The following C1orf87 variants were observed in gnomAD, a reference collection of about 807,000 sequenced individuals.
C1orf87 encodes chromosome 1 open reading frame 87.
Under a neutral mutation model 60.5 loss-of-function variants are expected in C1orf87, and 58 were observed. That is an observed-to-expected ratio of 0.96 (90% CI 0.78 to 1.19). The LOEUF is 1.19. C1orf87 is among the 50% of genes most tolerant of loss of function. The probability of loss-of-function intolerance (pLI) is 0.00; values close to 1 mark genes in which losing one functional copy is unlikely to be tolerated. For missense variants in C1orf87, 673 were observed against 638.6 expected (o/e 1.05, Z -0.58); for synonymous variants, 236 against 227.4 (o/e 1.04, Z -0.34).
chr1:60,025,440 A>C lies in C1orf87; in HGVS notation c.1088T>G (p.Leu363Trp). ...LYLTLSLLET[L>W]LNHQDLGYQN... ...GTAACCCAAATCTTGATGGTTAAGC[A>C]ATGTTTCCAGCAGGCTCAGGGTCAG... The change falls in exon 8 of 12, where the codon TTG (leucine) becomes TGG (tryptophan). Residue 363 changes from leucine (L) to tryptophan (W), a missense_variant. Coordinates refer to ENST00000371201, the MANE Select transcript of C1orf87 (RefSeq NM_152377.3). The C allele has an allele frequency of 6.2e-7, 1 of 1,613,580 alleles. No homozygotes were observed. Among genetic ancestry groups the C allele is most frequent in the Non-Finnish European group, 8.5e-7 (1 of 1,179,680 alleles).
intron 8 of C1orf87, among the ~76,000 whole-genome samples, chr1:60,021,716 T>C (rs1312288120): frequency 6.6e-6 from 1 of 152,186 alleles, no homozygotes; most frequent in African/African-American, 2.4e-5. Context: ...CTACTGTCTG[T>C]CAGGGAGATA....
rs1275931274 is a variant in C1orf87, at chr1:60,038,061, T to C, written c.794A>G (p.Asp265Gly). The C allele has an allele frequency of 1.2e-6, 2 of 1,609,890 alleles. No homozygotes were observed. The highest frequency in any genetic ancestry group is 2.2e-5 in the South Asian group (2 of 90,644). ...AGCTGCTTTATTTTGCTGTGGATAA[T>C]CTGATGCTGCACTGTTTAAAAACCA... ...LLWFLNSAAS[D>G]YPQQNKAAAD... The change falls in exon 6 of 12, where the codon GAT (aspartate) becomes GGT (glycine). Residue 265 changes from aspartate (D) to glycine (G), a missense_variant. Asp to Gly is a moderately conservative substitution (Grantham distance 94, BLOSUM62 -1). Transcript: ENST00000371201.
chr1:60,024,430 T>C (rs1446728267), intron 8 of C1orf87, among the ~76,000 whole-genome samples: 2 of 152,174 alleles, frequency 1.3e-5, no homozygotes, highest in Non-Finnish European at 2.9e-5. Flanking sequence ...GGTGGAAACA[T>C]GAAGTATTCC....
intron 7 of C1orf87, among the ~76,000 whole-genome samples, chr1:60,026,998 A>G (rs956212556): frequency 1.3e-5 from 2 of 152,228 alleles, no homozygotes; most frequent in African/African-American, 2.4e-5. Context: ...ATGTGTAACT[A>G]TCCAATATCC....
chr1:60,062,036 G>T (rs1349407601), intron 2 of C1orf87, among the ~76,000 whole-genome samples: 1 of 152,158 alleles, frequency 6.6e-6, no homozygotes, highest in Non-Finnish European at 1.5e-5. Context: ...CTCCCTGCAA[G>T]GTTGACTCAG....
intron 11 of C1orf87, among the ~76,000 whole-genome samples, chr1:59,991,827 C>T (rs533696477): frequency 1.3e-5 from 2 of 152,096 alleles, no homozygotes; most frequent in Admixed American, 6.6e-5. Context: ...TGGGAGGAGT[C>T]GCAGTGTAGA....
In C1orf87 at chr1:60,039,089, G is replaced by T. The variant is rs557888707; in HGVS notation, c.747+828C>A. On this transcript the variant is annotated intron_variant, in intron 5 of 11. Coordinates refer to ENST00000371201, the MANE Select transcript of C1orf87 (RefSeq NM_152377.3). The stretch of plus-strand genomic sequence containing the variant: ...CTAAATCCTGAGACTAAACTTGCAA[G>T]GTTGGTTTTGGCCTGGTTTTCTGGA... Among the ~76,000 whole-genome samples the T allele has an allele frequency of 2.0e-5, 3 of 152,260 alleles. No homozygotes were observed. The East Asian group carries it at 5.8e-4, about 29-fold the overall frequency.
intron 3 of C1orf87, among the ~76,000 whole-genome samples, chr1:60,046,842 C>G (rs760685239): frequency 2.0e-5 from 3 of 152,196 alleles, no homozygotes; most frequent in Non-Finnish European, 2.9e-5. Context: ...TAGAGTTTTA[C>G]ACAGTCTGCA....
intron 7 of C1orf87, among the ~76,000 whole-genome samples, chr1:60,030,450 C>T (rs569508582): frequency 6.6e-6 from 1 of 152,322 alleles, no homozygotes; most frequent in South Asian, 2.1e-4. Context: ...ATGAACTTCA[C>T]ATTCACAAAC....
chr1:60,036,348 A>G (rs893120994), intron 6 of C1orf87, among the ~76,000 whole-genome samples: 1 of 151,288 alleles, frequency 6.6e-6, no homozygotes, highest in Non-Finnish European at 1.5e-5. Context: ...TTTCAAACAA[A>G]CAAACAAACA....
In C1orf87 at chr1:60,004,803, G is replaced by C. The variant is rs116295916; in HGVS notation, c.1193-3647C>G. 6.2e-3 allele frequency among the ~76,000 whole-genome samples: 941 copies of C among 151,994 alleles called. 10 individuals are homozygous for C. Among genetic ancestry groups the C allele is most frequent in the African/African-American group, 0.021 (876 of 41,508 alleles). On this transcript the variant is annotated intron_variant, in intron 9 of 11. Coordinates refer to ENST00000371201, the MANE Select transcript of C1orf87 (RefSeq NM_152377.3). Reference sequence around the variant, plus strand: ...TTCTAGAGATTTCCAGGTGTTGGAGGGCCAGGTTTTACAGGGTTTCCAGTG... The same window carrying C: ...TTCTAGAGATTTCCAGGTGTTGGAGCGCCAGGTTTTACAGGGTTTCCAGTG...
intron 9 of C1orf87, among the ~76,000 whole-genome samples, chr1:60,004,056 C>T (rs1213047479): frequency 1.3e-5 from 2 of 151,972 alleles, no homozygotes; most frequent in Non-Finnish European, 2.9e-5. Flanking sequence ...CTTATTTCAA[C>T]CAATATGTGA....
At chr1:60,045,842 G>A (rs1487690697) in intron 3 of C1orf87, among the ~76,000 whole-genome samples, 1 of 152,156 alleles carries the variant, frequency 6.6e-6, no homozygotes, top group African/African-American at 2.4e-5. Flanking sequence ...GCACGCTGAA[G>A]TTTGAGAACC....
intron 2 of C1orf87, among the ~76,000 whole-genome samples, chr1:60,071,907 A>G (rs1645586748): frequency 6.6e-6 from 1 of 152,242 alleles, no homozygotes. Flanking sequence ...TATGAAAGAC[A>G]GATCTAGTAC....
intron 10 of C1orf87, among the ~76,000 whole-genome samples, chr1:60,000,415 A>T (rs1245947048): frequency 6.6e-6 from 1 of 152,152 alleles, no homozygotes; most frequent in Non-Finnish European, 1.5e-5. Flanking sequence ...GAGGCTTGCC[A>T]AAATGGGTAC....
chr1:59,993,342 T>C (rs1644938734), intron 11 of C1orf87, among the ~76,000 whole-genome samples: 1 of 152,164 alleles, frequency 6.6e-6, no homozygotes, highest in East Asian at 1.9e-4. Context: ...CAATAAAATA[T>C]TAAGTTCACA....
chr1:60,051,636 T>C (rs1300958023), intron 3 of C1orf87, among the ~76,000 whole-genome samples: 1 of 152,122 alleles, frequency 6.6e-6, no homozygotes, highest in Non-Finnish European at 1.5e-5. Flanking sequence ...CACTGAGTTG[T>C]GGGGTGATTT....
chr1:59,990,707 A>T lies in C1orf87; in HGVS notation c.1607T>A (p.Leu536Ter), dbSNP rs1273294076. The T allele has an allele frequency of 6.2e-7, 1 of 1,613,956 alleles. No homozygotes were observed. The highest frequency in any genetic ancestry group is 1.3e-5 in the African/African-American group (1 of 74,938). Residue 536 changes from leucine (L) to a stop codon, truncating the protein, a stop_gained, in exon 12 of 12, where the codon TTG becomes TAG. Coordinates refer to ENST00000371201, the MANE Select transcript of C1orf87 (RefSeq NM_152377.3). LOFTEE classifies it high-confidence loss of function. ...CTTTAAGTACCGCAGTGCTGGCTCC[A>T]AGAGCATATTTTCTCCCGAACGGAA... Reference protein sequence around the residue: ...RRFRSGENMLLEPALRYLKEL With the variant: ...RRFRSGENML
intron 10 of C1orf87, among the ~76,000 whole-genome samples, chr1:59,999,762 A>G (rs994693053): frequency 3.3e-5 from 5 of 152,036 alleles, no homozygotes; most frequent in Non-Finnish European, 5.9e-5. Context: ...TCCTATATAC[A>G]TATCTTCTTC....
Sources: gnomAD v4.1 joint callset for allele counts (sites outside exome capture counted in the v4.1 genomes callset) on GRCh38, gnomAD v4.1.1 for gene constraint, MANE v1.5 for transcripts, NCBI Gene and HGNC (gene_info 2026-07-23, HGNC 2026-07-21) for gene names.